MAP3K2: variants seen among roughly 807,000 people sequenced by gnomAD.
The protein encoded by MAP3K2 is MAP/ERK kinase kinase 2.
A neutral mutation model predicts 80.3 loss-of-function variants in MAP3K2; 24 were observed. The ratio of observed to expected loss-of-function variants is 0.30; its 90% CI spans 0.22 to 0.42. MAP3K2 has a LOEUF of 0.42. Ranked by LOEUF, MAP3K2 falls within the 10% of genes least tolerant of loss-of-function variation. The pLI is 1.00. For missense variants in MAP3K2, 608 were observed against 750.1 expected (o/e 0.81, Z 2.21); for synonymous variants, 244 against 253.7 (o/e 0.96, Z 0.36).
At chr2:127,381,459 TA>T (rs529932065) in intron 1 of MAP3K2, among the ~76,000 whole-genome samples, 2,105 of 152,348 alleles carry the variant, frequency 0.014, 27 homozygotes, top group Non-Finnish European at 0.023. Context: ...TTAAAATCTT[TA>T]AAATCCACAA....
intron 1 of MAP3K2, among the ~76,000 whole-genome samples, chr2:127,378,504 TAC>T (rs1333690623): frequency 5.9e-5 from 9 of 152,340 alleles, no homozygotes; most frequent in Middle Eastern, 3.4e-3. Context: ...ATTTATAATT[TAC>T]AGTTTGTAAC....
chr2:127,352,897 C>T (rs963911753), intron 1 of MAP3K2, among the ~76,000 whole-genome samples: 8 of 152,174 alleles, frequency 5.3e-5, no homozygotes, highest in Non-Finnish European at 1.0e-4. Flanking sequence ...GACGCGGTTT[C>T]GCTGTGTTGG....
chr2:127,340,527 GGTGCCTGTAGTCCCA>G (rs1686457470), intron 2 of MAP3K2, among the ~76,000 whole-genome samples: 1 of 152,068 alleles, frequency 6.6e-6, no homozygotes, highest in South Asian at 2.1e-4. Context: ...CATGGTGGCA[GGTGCCTGTAGTCCCA>G]GCTACTTGGG....
chr2:127,303,972 T>C lies in MAP3K2; in HGVS notation c.*3607A>G, dbSNP rs1685647289. 1 of 152,194 alleles carries C rather than the reference T, an allele frequency of 6.6e-6. No homozygotes were observed. Among genetic ancestry groups the C allele is most frequent in the Non-Finnish European group, 1.5e-5 (1 of 68,018 alleles). The allele number at this position is 152,194 out of a possible 1,614,324, so 9.4% of individuals were successfully genotyped here. ...GAGCAGATCTGACATATATATGAGC[T>C]GGAGTAGCAGAGACTTAGTCTAAAG... On this transcript the variant is annotated 3_prime_UTR_variant, in exon 17 of 17. Transcript: ENST00000682094.
chr2:127,344,769 C>T (rs1160488430), intron 1 of MAP3K2, among the ~76,000 whole-genome samples: 1 of 152,118 alleles, frequency 6.6e-6, no homozygotes, highest in African/African-American at 2.4e-5. Context: ...CCCAAGATAC[C>T]TCACTATGTA....
At chr2:127,356,212 C>T (rs1243578737) in intron 1 of MAP3K2, among the ~76,000 whole-genome samples, 1 of 152,132 alleles carries the variant, frequency 6.6e-6, no homozygotes, top group Non-Finnish European at 1.5e-5. Context: ...CCATGAATCA[C>T]CAATGTTCTT....
chr2:127,324,594 T>C (rs571131747), intron 9 of MAP3K2, among the ~76,000 whole-genome samples: 39 of 152,298 alleles, frequency 2.6e-4, no homozygotes, highest in African/African-American at 9.1e-4. Flanking sequence ...TATTCAAGTG[T>C]ACATAAGTAA....
chr2:127,387,943 C>T lies in MAP3K2; in HGVS notation c.-557G>A. The T allele has an allele frequency of 1.0e-6, 1 of 984,706 alleles. No homozygotes were observed. Among genetic ancestry groups the T allele is most frequent in the Non-Finnish European group, 1.2e-6 (1 of 829,666 alleles). The allele number at this position is 984,706 out of a possible 1,614,324, so 61.0% of individuals were successfully genotyped here. A position where few individuals can be genotyped will look rare whatever the true frequency, so the allele number is the denominator to read the frequency against. On this transcript the variant is annotated 5_prime_UTR_variant, in exon 1 of 17. Transcript: ENST00000682094. ...GTCAGGCGCCGCCGCTGAGGGCAGG[C>T]AGCCCGGCAGCCACTACACACGGAC...
chr2:127,368,918 T>C (rs1427427055), intron 1 of MAP3K2, among the ~76,000 whole-genome samples: 2 of 151,996 alleles, frequency 1.3e-5, no homozygotes, highest in South Asian at 2.1e-4. Flanking sequence ...GCTTGTTGAA[T>C]TGTGACTAGT....
At chr2:127,359,640 C>T (rs1686852309) in intron 1 of MAP3K2, among the ~76,000 whole-genome samples, 1 of 152,184 alleles carries the variant, frequency 6.6e-6, no homozygotes, top group Non-Finnish European at 1.5e-5. Context: ...ATGCTGCAGC[C>T]TGGTGGGAGG....
intron 16 of MAP3K2, among the ~76,000 whole-genome samples, chr2:127,308,249 T>C (rs575285402): frequency 6.6e-6 from 1 of 152,340 alleles, no homozygotes; most frequent in Non-Finnish European, 1.5e-5. Flanking sequence ...AAATGAATTA[T>C]AAGACACTGA....
chr2:127,309,514 C>G (rs1377843563), intron 15 of MAP3K2, among the ~76,000 whole-genome samples: 1 of 152,102 alleles, frequency 6.6e-6, no homozygotes, highest in Non-Finnish European at 1.5e-5. Context: ...ATATTATTAA[C>G]CAAGTTCATA....
intron 1 of MAP3K2, among the ~76,000 whole-genome samples, chr2:127,351,985 TC>T (rs1043623469): frequency 1.3e-5 from 2 of 151,944 alleles, no homozygotes; most frequent in Non-Finnish European, 2.9e-5. Flanking sequence ...CAAGTGATAC[TC>T]CCACCTCAGC....
chr2:127,317,043 G>A (rs1685920813), intron 14 of MAP3K2: 1 of 129,534 alleles, frequency 7.7e-6, no homozygotes, highest in Non-Finnish European at 1.6e-5. Context: ...AGAAATCCAT[G>A]AGAATTTTTT....
At chr2:127,383,688 G>T (rs1204401222) in intron 1 of MAP3K2, among the ~76,000 whole-genome samples, 1 of 152,146 alleles carries the variant, frequency 6.6e-6, no homozygotes, top group Non-Finnish European at 1.5e-5. Context: ...CCAGGACAGT[G>T]GCTCATGCCT....
chr2:127,358,738 G>C (rs1179391427), intron 1 of MAP3K2, among the ~76,000 whole-genome samples: 1 of 152,028 alleles, frequency 6.6e-6, no homozygotes, highest in African/African-American at 2.4e-5. Context: ...TTTGAAACCA[G>C]CCCGGCCAAT....
chr2:127,384,464 T>C (rs1436629583), intron 1 of MAP3K2, among the ~76,000 whole-genome samples: 1 of 152,084 alleles, frequency 6.6e-6, no homozygotes, highest in Non-Finnish European at 1.5e-5. Context: ...TGATGATTCA[T>C]GGGAGGAGGT....
At chr2:127,374,718 T>G (rs189789643) in intron 1 of MAP3K2, among the ~76,000 whole-genome samples, 1 of 152,232 alleles carries the variant, frequency 6.6e-6, no homozygotes, top group African/African-American at 2.4e-5. Context: ...CCACCCGATA[T>G]GTCATTAAAC....
In MAP3K2 at chr2:127,307,250, C is replaced by A. The variant is rs1573974913; in HGVS notation, c.*329G>T. On this transcript the variant is annotated 3_prime_UTR_variant, in exon 17 of 17. Transcript: ENST00000682094. The surrounding 1 kb of genome is among the most constrained non-coding windows in gnomAD (Gnocchi z 5.4). ...TGTGTCAGTGATAGAGGGAATGACT[C>A]TACAATCTTTAGGTATTCCAAATGA... The A allele has an allele frequency of 6.2e-6, 1 of 162,022 alleles. No individual in the cohort carries two copies. The allele number at this position is 162,022 out of a possible 1,614,324, so 10.0% of individuals were successfully genotyped here.
Sources: gnomAD v4.1 joint callset for allele counts (sites outside exome capture counted in the v4.1 genomes callset) on GRCh38, gnomAD v4.1.1 for gene constraint, Gnocchi (gnomAD v3.1) non-coding constraint, MANE v1.5 for transcripts, NCBI Gene and HGNC (gene_info 2026-07-23, HGNC 2026-07-21) for gene names.